The following SGCZ variants were observed in gnomAD, a reference collection of about 807,000 sequenced individuals.
SGCZ encodes zeta-sarcoglycan.
A neutral mutation model predicts 41.3 loss-of-function variants in SGCZ; 40 were observed. The observed-to-expected ratio is 0.97, with a 90% CI of 0.75 to 1.26. The LOEUF (loss-of-function observed/expected upper bound fraction) is 1.26. Among genes scored for constraint, SGCZ ranks in the 50% most tolerant of loss-of-function variants. The probability of loss-of-function intolerance (pLI) is 0.00; values close to 1 mark genes in which losing one functional copy is unlikely to be tolerated. For missense variants in SGCZ, 552 were observed against 369.8 expected, an observed-to-expected ratio of 1.49 and a Z score of -4.04; for synonymous variants, 206 against 137.5, an observed-to-expected ratio of 1.50 and a Z score of -3.49.
At chr8:15,220,069 G>C (rs958118107) in intron 1 of SGCZ, among the ~76,000 whole-genome samples, 1 of 152,050 alleles carries the variant, frequency 6.6e-6, no homozygotes, top group Non-Finnish European at 1.5e-5. Flanking sequence ...AACAGATATG[G>C]ATCTTAAAAT....
At chr8:14,282,768 T>G (rs575244101) in intron 3 of SGCZ, among the ~76,000 whole-genome samples, 126 of 152,120 alleles carry the variant, frequency 8.3e-4, no homozygotes, top group African/African-American at 2.9e-3. Context: ...CCCCACCTAT[T>G]AGCTCTTCTG....
At chr8:14,840,997 C>A (rs140046273) in intron 1 of SGCZ, among the ~76,000 whole-genome samples, 2,814 of 152,096 alleles carry the variant, frequency 0.019, 52 homozygotes, top group Middle Eastern at 0.051. Context: ...TTACAATTTT[C>A]ATCCTACAAA....
At chr8:14,551,507 T>TATTATATATAA (rs1803830324) in intron 2 of SGCZ, among the ~76,000 whole-genome samples, 1 of 5,224 alleles carries the variant, frequency 1.9e-4, no homozygotes, top group African/African-American at 7.9e-4. Context: ...ATTATATATA[T>TATTATATATAA]TATATATATT....
At chr8:14,548,309 T>C (rs936196908) in intron 2 of SGCZ, among the ~76,000 whole-genome samples, 1 of 152,132 alleles carries the variant, frequency 6.6e-6, no homozygotes, top group African/African-American at 2.4e-5. Flanking sequence ...GCCAGCAACA[T>C]GACGAATTCT....
At chr8:14,175,753 T>G (rs1175408881) in intron 4 of SGCZ, among the ~76,000 whole-genome samples, 2 of 152,070 alleles carry the variant, frequency 1.3e-5, no homozygotes, top group East Asian at 3.8e-4. Flanking sequence ...TAAATACAAA[T>G]GGACTAAACA....
chr8:15,136,267 C>A (rs1426989819), intron 1 of SGCZ, among the ~76,000 whole-genome samples: 1 of 152,104 alleles, frequency 6.6e-6, no homozygotes, highest in Non-Finnish European at 1.5e-5. Flanking sequence ...TGTGCCTCAA[C>A]TGGCCCCTTG....
chr8:14,624,335 C>A (rs1473987440), intron 1 of SGCZ, among the ~76,000 whole-genome samples: 1 of 151,914 alleles, frequency 6.6e-6, no homozygotes, highest in Admixed American at 6.6e-5. Context: ...AATGTTTCCT[C>A]GGCCAACTTA....
intron 1 of SGCZ, among the ~76,000 whole-genome samples, chr8:15,056,250 T>C (rs115741308): frequency 1.3e-5 from 2 of 152,236 alleles, no homozygotes; most frequent in African/African-American, 4.8e-5. Flanking sequence ...GCTGTAAGCA[T>C]AGACTTCTTC....
chr8:14,702,809 TTAGG>T (rs1179212311), intron 1 of SGCZ, among the ~76,000 whole-genome samples: 44 of 117,412 alleles, frequency 3.7e-4, no homozygotes, highest in African/African-American at 4.9e-4. Flanking sequence ...AGGTAGGTAG[TTAGG>T]TAGATAGATA....
chr8:14,871,453 C>T (rs764799720), intron 1 of SGCZ, among the ~76,000 whole-genome samples: 1 of 152,086 alleles, frequency 6.6e-6, no homozygotes, highest in Admixed American at 6.6e-5. Flanking sequence ...TACTGCAGCA[C>T]TATTCACAAT....
At chr8:14,801,763 T>G (rs1052505744) in intron 1 of SGCZ, among the ~76,000 whole-genome samples, 1 of 152,156 alleles carries the variant, frequency 6.6e-6, no homozygotes, top group African/African-American at 2.4e-5. Flanking sequence ...AATGATTCAC[T>G]GACAAAAAAT....
At chr8:14,374,946 G>T (rs1270041317) in intron 2 of SGCZ, among the ~76,000 whole-genome samples, 1 of 152,136 alleles carries the variant, frequency 6.6e-6, no homozygotes. Context: ...TCAATAAAGG[G>T]GATGATTGCA....
At chr8:15,222,127 G>A (rs1310019144) in intron 1 of SGCZ, among the ~76,000 whole-genome samples, 1 of 152,104 alleles carries the variant, frequency 6.6e-6, no homozygotes, top group Non-Finnish European at 1.5e-5. Flanking sequence ...CCAAAAGAGG[G>A]CTTTGTAAAA....
chr8:14,275,437 C>T (rs747350320), intron 3 of SGCZ, among the ~76,000 whole-genome samples: 27 of 152,114 alleles, frequency 1.8e-4, no homozygotes, highest in Non-Finnish European at 3.4e-4. Flanking sequence ...CCCTCCTTTC[C>T]CTTGGCTGGG....
At chr8:14,251,510 T>C (rs758111471) in intron 3 of SGCZ, among the ~76,000 whole-genome samples, 13 of 152,168 alleles carry the variant, frequency 8.5e-5, no homozygotes, top group Admixed American at 1.3e-4. Flanking sequence ...TACCAAAGTA[T>C]TATATTTTAA....
intron 1 of SGCZ, among the ~76,000 whole-genome samples, chr8:14,813,308 C>G (rs1316727737): frequency 6.6e-6 from 1 of 152,062 alleles, no homozygotes; most frequent in Non-Finnish European, 1.5e-5. Context: ...TTAATATAAT[C>G]TCTATTTTAA....
chr8:14,299,076 G>T (rs1409086648), intron 3 of SGCZ, among the ~76,000 whole-genome samples: 1 of 151,934 alleles, frequency 6.6e-6, no homozygotes, highest in Non-Finnish European at 1.5e-5. Flanking sequence ...AGTTGCCAAA[G>T]CAATTCAATG....
At chr8:14,450,607 G>T (rs543580244) in intron 2 of SGCZ, among the ~76,000 whole-genome samples, 1 of 152,118 alleles carries the variant, frequency 6.6e-6, no homozygotes, top group East Asian at 1.9e-4. Flanking sequence ...CTATTTTATA[G>T]AATCAGACCA....
intron 5 of SGCZ, among the ~76,000 whole-genome samples, chr8:14,134,969 T>C (rs918998038): frequency 6.6e-6 from 1 of 152,208 alleles, no homozygotes; most frequent in Non-Finnish European, 1.5e-5. Context: ...CAGTAGCGTA[T>C]CCACTTACAT....
Sources: allele counts gnomAD v4.1 joint callset (sites outside exome capture counted in the v4.1 genomes callset), GRCh38; gene constraint gnomAD v4.1.1; transcripts MANE v1.5; gene names NCBI Gene and HGNC (gene_info 2026-07-23, HGNC 2026-07-21).